Variants in SLC26A7 observed in about 807,000 individuals in gnomAD.
SLC26A7 encodes the protein solute carrier family 26 member 7.
In SLC26A7, 59 loss-of-function variants were observed where a neutral mutation model predicts 82.5. The ratio of observed to expected loss-of-function variants is 0.72; its 90% confidence interval spans 0.58 to 0.89. SLC26A7 has a LOEUF of 0.89. SLC26A7 is among the 40% of genes least tolerant of loss of function. SLC26A7 has a pLI of 0.00. For synonymous variants in SLC26A7, 271 were observed against 274.3 expected, an observed-to-expected ratio of 0.99 and a Z score of 0.12; for missense variants, 820 against 793.0, an observed-to-expected ratio of 1.03 and a Z score of -0.41.
intron 13 of SLC26A7, among the ~76,000 whole-genome samples, chr8:91,365,783 A>G (rs1377312745): frequency 6.6e-6 from 1 of 152,136 alleles, no homozygotes; most frequent in Non-Finnish European, 1.5e-5. Context: ...ATGCATCGCT[A>G]TTCTTTGCAT....
At chr8:91,280,017 C>T (rs1811526916) in intron 2 of SLC26A7, among the ~76,000 whole-genome samples, 2 of 152,130 alleles carry the variant, frequency 1.3e-5, no homozygotes, top group South Asian at 2.1e-4. Flanking sequence ...ACCTCTCATT[C>T]GATGTATGGT....
chr8:91,247,310 C>T (rs2130691846), upstream of SLC26A7, among the ~76,000 whole-genome samples: 1 of 152,236 alleles, frequency 6.6e-6, no homozygotes, highest in South Asian at 2.1e-4. Flanking sequence ...GAACTGTAAG[C>T]TACTTTTAGT....
intron 2 of SLC26A7, among the ~76,000 whole-genome samples, chr8:91,275,563 A>G (rs1323197359): frequency 6.6e-6 from 1 of 152,164 alleles, no homozygotes; most frequent in Non-Finnish European, 1.5e-5. Context: ...GTCTCTCAAG[A>G]GCTGGGACTA....
intron 11 of SLC26A7, among the ~76,000 whole-genome samples, chr8:91,357,783 T>C (rs1813914202): frequency 6.6e-6 from 1 of 152,152 alleles, no homozygotes. Context: ...CTAAAGAGCT[T>C]CTGCACAGCA....
chr8:91,239,436 G>A (rs1372058316), intron 2 of SLC26A7, among the ~76,000 whole-genome samples: 1 of 140,562 alleles, frequency 7.1e-6, no homozygotes, highest in Non-Finnish European at 1.5e-5. Context: ...ATGTATATAT[G>A]TGTATATGTG....
At chr8:91,309,243 G>GTTATGTA (rs1336700374) in intron 4 of SLC26A7, among the ~76,000 whole-genome samples, 3 of 150,998 alleles carry the variant, frequency 2.0e-5, no homozygotes, top group Non-Finnish European at 4.4e-5. Context: ...TAAAATATAC[G>GTTATGTA]TTATGTATAT....
At chr8:91,394,403 G>T in intron 18 of SLC26A7, 1 of 1,464,800 alleles carries the variant, frequency 6.8e-7, no homozygotes, top group African/African-American at 1.4e-5. Flanking sequence ...GGCCTTTTAA[G>T]TTTTTTCTGC....
chr8:91,231,966 T>G (rs1023354660), intron 2 of SLC26A7, among the ~76,000 whole-genome samples: 1 of 152,206 alleles, frequency 6.6e-6, no homozygotes, highest in Non-Finnish European at 1.5e-5. Flanking sequence ...TTTTTTAGAA[T>G]AGTAGGTATA....
chr8:91,239,684 T>G (rs1807507607), intron 2 of SLC26A7, among the ~76,000 whole-genome samples: 1 of 152,082 alleles, frequency 6.6e-6, no homozygotes, highest in African/African-American at 2.4e-5. Flanking sequence ...AGAAATCCTC[T>G]CCACTCTGCA....
At chr8:91,374,288 G>C (rs912790265) in intron 15 of SLC26A7, among the ~76,000 whole-genome samples, 2 of 150,140 alleles carry the variant, frequency 1.3e-5, no homozygotes, top group Non-Finnish European at 3.0e-5. Flanking sequence ...GTTCTTATTT[G>C]TCTAGTTCCT....
chr8:91,355,176 G>A (rs1387380185), intron 11 of SLC26A7, among the ~76,000 whole-genome samples: 2 of 152,062 alleles, frequency 1.3e-5, no homozygotes, highest in Non-Finnish European at 2.9e-5. Flanking sequence ...GTTATTTTAA[G>A]TAAGCTTGTT....
intron 14 of SLC26A7, 66 bp from the exon 15 acceptor site, chr8:91,369,719 T>A (rs1814300186): frequency 8.4e-7 from 1 of 1,197,468 alleles, no homozygotes; most frequent in Non-Finnish European, 1.2e-6. Context: ...AAGAATTATG[T>A]GATTTTTTTC....
chr8:91,332,769 C>G (rs557754844), intron 5 of SLC26A7, among the ~76,000 whole-genome samples: 1 of 151,640 alleles, frequency 6.6e-6, no homozygotes, highest in African/African-American at 2.4e-5. Context: ...TGGCTTCAAG[C>G]GATCCTTCTG....
intron 5 of SLC26A7, among the ~76,000 whole-genome samples, chr8:91,333,561 A>G (rs1273887099): frequency 2.0e-5 from 3 of 152,042 alleles, no homozygotes; most frequent in Admixed American, 1.3e-4. Flanking sequence ...GTTCCCATTT[A>G]TCTTCTTTGA....
chr8:91,388,586 G>GA (rs1814867642), intron 15 of SLC26A7, among the ~76,000 whole-genome samples: 1 of 152,152 alleles, frequency 6.6e-6, no homozygotes, highest in Admixed American at 6.5e-5. Flanking sequence ...AGTGGTGGGG[G>GA]AATCAGCATA....
At chr8:91,284,316 G>A (rs1026557853) in intron 2 of SLC26A7, among the ~76,000 whole-genome samples, 9 of 152,220 alleles carry the variant, frequency 5.9e-5, no homozygotes, top group African/African-American at 1.9e-4. Flanking sequence ...CAGGCTGGGA[G>A]TATAGGCCAG....
rs867285913 is a variant in SLC26A7, at chr8:91,340,792, T to G, written c.1026+241T>G. The G allele has an allele frequency of 9.6e-5, 46 of 476,804 alleles. No individual in the cohort carries two copies. The Middle Eastern group carries it at 2.4e-3, about 25-fold the overall frequency. The allele number at this position is 476,804 out of a possible 1,614,324, so 29.5% of individuals were successfully genotyped here. On this transcript the variant is annotated intron_variant, in intron 8 of 18. Coordinates refer to ENST00000276609, the MANE Select transcript of SLC26A7 (RefSeq NM_052832.4). ...AAGGCATCATGATGTTCTTTTTGAT[T>G]TGTTTTTAGGAGAGAATCCAAACAG...
intron 5 of SLC26A7, among the ~76,000 whole-genome samples, chr8:91,327,818 A>T (rs1420270604): frequency 6.6e-6 from 1 of 152,182 alleles, no homozygotes; most frequent in East Asian, 1.9e-4. Context: ...CAGGAATGAT[A>T]AAAAATGCTA....
intron 13 of SLC26A7, among the ~76,000 whole-genome samples, chr8:91,363,961 T>G (rs1448677): frequency 0.39 from 57,638 of 148,888 alleles, 11,944 homozygotes; most frequent in African/African-American, 0.51. Context: ...TTTTTTTTCT[T>G]AACTCAGTCA....
Sources: allele counts gnomAD v4.1 joint callset (sites outside exome capture counted in the v4.1 genomes callset), GRCh38; gene constraint gnomAD v4.1.1; transcripts MANE v1.5; gene names NCBI Gene and HGNC (gene_info 2026-07-23, HGNC 2026-07-21).